The following ATF7IP variants were observed in gnomAD, a reference collection of about 807,000 sequenced individuals.
The protein encoded by ATF7IP is activating transcription factor 7 interacting protein.
Under a neutral mutation model 106.4 loss-of-function variants are expected in ATF7IP, and 23 were observed. That is an observed-to-expected ratio of 0.22 (90% CI 0.16 to 0.31). ATF7IP has a LOEUF of 0.31. Among genes scored for constraint, ATF7IP ranks in the 10% least tolerant of loss-of-function variants. The probability of loss-of-function intolerance (pLI) is 1.00; values close to 1 mark genes in which losing one functional copy is unlikely to be tolerated. For missense variants in ATF7IP, 1,334 were observed against 1,524.3 expected, an observed-to-expected ratio of 0.88 and a Z score of 2.08; for synonymous variants, 542 against 539.0, an observed-to-expected ratio of 1.01 and a Z score of -0.08.
intron 10 of ATF7IP, among the ~76,000 whole-genome samples, chr12:14,474,923 A>T (rs1944204709): frequency 6.6e-6 from 1 of 152,184 alleles, no homozygotes; most frequent in South Asian, 2.1e-4. Flanking sequence ...GGTGTTTGTA[A>T]ATAACCCATT....
chr12:14,397,252 G>A (rs1939902579), intron 1 of ATF7IP, among the ~76,000 whole-genome samples: 1 of 152,204 alleles, frequency 6.6e-6, no homozygotes, highest in Admixed American at 6.5e-5. Flanking sequence ...TATTGAAGTT[G>A]AGTGTGAATG....
intron 3 of ATF7IP, among the ~76,000 whole-genome samples, chr12:14,435,739 T>A (rs1942373794): frequency 6.6e-6 from 1 of 152,212 alleles, no homozygotes; most frequent in Non-Finnish European, 1.5e-5. Context: ...TGAGAATGAA[T>A]ACTATATTTT....
intron 1 of ATF7IP, among the ~76,000 whole-genome samples, chr12:14,368,892 A>T (rs1938413899): frequency 1.3e-5 from 2 of 151,262 alleles, no homozygotes; most frequent in South Asian, 4.2e-4. Context: ...TTACCTTTTA[A>T]GTGGTTTATG....
At chr12:14,486,531 C>CT (rs1198813902) in intron 13 of ATF7IP, among the ~76,000 whole-genome samples, 1 of 152,142 alleles carries the variant, frequency 6.6e-6, no homozygotes, top group African/African-American at 2.4e-5. Flanking sequence ...TTATAATTCT[C>CT]TTTTTATTAT....
chr12:14,417,834 A>G (rs1044616275), intron 1 of ATF7IP, among the ~76,000 whole-genome samples: 3 of 152,166 alleles, frequency 2.0e-5, no homozygotes, highest in Admixed American at 1.3e-4. Flanking sequence ...TTTTTGTTTA[A>G]CTATGTTTTT....
intron 1 of ATF7IP, among the ~76,000 whole-genome samples, chr12:14,387,593 A>G (rs569854330): frequency 7.9e-4 from 121 of 152,280 alleles, no homozygotes; most frequent in Non-Finnish European, 1.6e-3. Flanking sequence ...CCTGTACATG[A>G]GGAAATACTA....
chr12:14,474,403 A>AT (rs764191499), intron 10 of ATF7IP, among the ~76,000 whole-genome samples: 1,291 of 128,986 alleles, frequency 0.01, 6 homozygotes, highest in South Asian at 0.014. Flanking sequence ...AATTCTTTGA[A>AT]TTTTTTTTTT....
intron 1 of ATF7IP, among the ~76,000 whole-genome samples, chr12:14,367,813 A>C (rs1411301365): frequency 2.0e-5 from 3 of 152,116 alleles, no homozygotes; most frequent in African/African-American, 7.2e-5. Flanking sequence ...AATAAGATTA[A>C]TTAATTGCCT....
At chr12:14,494,329 A>ATGTG (rs1459016569) in intron 13 of ATF7IP, among the ~76,000 whole-genome samples, 32 of 93,000 alleles carry the variant, frequency 3.4e-4, no homozygotes, top group Middle Eastern at 5.7e-3. Context: ...ATATATATAT[A>ATGTG]TATATGTGTG....
At chr12:14,438,341 G>A in intron 5 of ATF7IP, 74 bp downstream of exon 5, 1 of 1,279,582 alleles carries the variant, frequency 7.8e-7, no homozygotes, top group South Asian at 1.6e-5. Context: ...ATATATATTT[G>A]AGATTAACTA....
At chr12:14,369,707 T>C (rs16909841) in intron 1 of ATF7IP, among the ~76,000 whole-genome samples, 17,984 of 152,116 alleles carry the variant, frequency 0.12, 1,405 homozygotes, top group South Asian at 0.23. Context: ...AAAAATACTT[T>C]TACATCTATG....
chr12:14,411,093 T>C (rs1940889207), intron 1 of ATF7IP, among the ~76,000 whole-genome samples: 1 of 152,226 alleles, frequency 6.6e-6, no homozygotes, highest in African/African-American at 2.4e-5. Context: ...AAAGCATTTG[T>C]GTACAAGTTT....
intron 5 of ATF7IP, among the ~76,000 whole-genome samples, chr12:14,441,481 C>G (rs1019218371): frequency 2.1e-4 from 30 of 142,642 alleles, no homozygotes; most frequent in Non-Finnish European, 4.4e-4. Flanking sequence ...TTCTGGATAC[C>G]AAAGTCTTTT....
At position 14,424,319 on chromosome 12, in the gene ATF7IP, C is replaced by T; in HGVS notation, c.404C>T (p.Ala135Val). The T allele has an allele frequency of 4.3e-6, 7 of 1,614,220 alleles. No homozygotes were observed. Among genetic ancestry groups the T allele is most frequent in the Non-Finnish European group, 5.9e-6 (7 of 1,180,032 alleles). The change falls in exon 2 of 15, where the codon GCC (alanine) becomes GTC (valine). Residue 135 changes from alanine to valine, a missense_variant. Transcript: ENST00000261168. Reference sequence around the variant, plus strand: ...GCTGAACCAGTTTCTGGTGATCCAGCCCCTGGTGATCTGGATGCCGGAGAT... The same window carrying T: ...GCTGAACCAGTTTCTGGTGATCCAGTCCCTGGTGATCTGGATGCCGGAGAT... ...LPAEPVSGDP[A>V]PGDLDAGDPA...
chr12:14,421,919 CTTT>C (rs1353681258), intron 1 of ATF7IP, among the ~76,000 whole-genome samples: 1 of 152,070 alleles, frequency 6.6e-6, no homozygotes, highest in Admixed American at 6.5e-5. Flanking sequence ...AATTCATTAC[CTTT>C]TTAAGAAACC....
In ATF7IP at chr12:14,424,456, T is replaced by A. The variant is rs1488779981; in HGVS notation, c.541T>A (p.Ser181Thr). The A allele has an allele frequency of 6.2e-7, 1 of 1,611,626 alleles. No homozygotes were observed. Residue 181 changes from serine to threonine, a missense_variant, in exon 2 of 15, where the codon TCT (serine) becomes ACT (threonine). By Grantham distance (58) the Ser-to-Thr change is moderately conservative (BLOSUM62 1). Transcript: ENST00000261168. Reference protein sequence around the residue: ...SGDATSGDAPSGDVSPGDATS... With the variant: ...SGDATSGDAPTGDVSPGDATS... ...TGATGCAACCTCTGGTGATGCCCCT[T>A]CTGGTGATGTGTCCCCTGGTGATGC...
intron 1 of ATF7IP, among the ~76,000 whole-genome samples, chr12:14,393,799 A>G (rs1405839971): frequency 2.0e-5 from 3 of 152,168 alleles, no homozygotes; most frequent in Admixed American, 6.5e-5. Context: ...TCTAGCCTTA[A>G]TGAAAATGGT....
chr12:14,483,606 T>C (rs1944496560), intron 13 of ATF7IP, among the ~76,000 whole-genome samples: 2 of 151,956 alleles, frequency 1.3e-5, no homozygotes, highest in African/African-American at 4.8e-5. Flanking sequence ...TCCCTAGGGG[T>C]GAAGGTGAGT....
intron 2 of ATF7IP, among the ~76,000 whole-genome samples, chr12:14,431,890 G>A (rs1381009740): frequency 6.6e-6 from 1 of 152,174 alleles, no homozygotes; most frequent in African/African-American, 2.4e-5. Flanking sequence ...ACCCGTCTCT[G>A]TAGAATTTGT....
Sources: allele counts gnomAD v4.1 joint callset (sites outside exome capture counted in the v4.1 genomes callset), GRCh38; gene constraint gnomAD v4.1.1; transcripts MANE v1.5; gene names NCBI Gene and HGNC (gene_info 2026-07-23, HGNC 2026-07-21).